The following REL variants were observed in gnomAD, a reference collection of about 807,000 sequenced individuals.
REL encodes the protein REL proto-oncogene, NF-kB subunit.
REL carries 15 observed loss-of-function variants against 45.9 expected under a neutral mutation model. The observed-to-expected ratio is 0.33, with a 90% CI of 0.22 to 0.50. REL has a LOEUF of 0.50. Among genes scored for constraint, REL ranks in the 20% least tolerant of loss-of-function variants. The pLI, the probability that REL is intolerant of heterozygous loss-of-function variation, is 0.98. For missense variants in REL, 601 were observed against 715.2 expected, an observed-to-expected ratio of 0.84 and a Z score of 1.82; for synonymous variants, 239 against 242.1, an observed-to-expected ratio of 0.99 and a Z score of 0.12.
At chr2:60,913,698 C>G (rs933663578) in intron 4 of REL, among the ~76,000 whole-genome samples, 1 of 152,192 alleles carries the variant, frequency 6.6e-6, no homozygotes, top group African/African-American at 2.4e-5. Flanking sequence ...AAAGTGGCCT[C>G]TCATTCTGAA....
intron 4 of REL, among the ~76,000 whole-genome samples, chr2:60,914,533 A>C (rs1158014982): frequency 6.6e-6 from 1 of 152,204 alleles, no homozygotes; most frequent in Non-Finnish European, 1.5e-5. Context: ...AAAAATATTT[A>C]AAATAAACTT....
At chr2:60,910,464 CAAAAAAAAAACAAAAAACAAAA>C (rs1673781071) in intron 4 of REL, among the ~76,000 whole-genome samples, 1 of 62,472 alleles carries the variant, frequency 1.6e-5, no homozygotes, top group Non-Finnish European at 3.1e-5. Flanking sequence ...GACTCCATCT[CAAAAAAAAAACAAAAAACAAAA>C]AAAAAAAAAA....
Position 60,922,639 on chromosome 2 carries a change from T to G in REL, c.*104T>G. 1 of 1,375,678 alleles carries G rather than the reference T, an allele frequency of 7.3e-7. No individual in the cohort carries two copies. Among genetic ancestry groups the G allele is most frequent in the East Asian group, 2.6e-5 (1 of 38,836 alleles). The allele number at this position is 1,375,678 out of a possible 1,614,324, so 85.2% of individuals were successfully genotyped here. ...TAATACTATATTTATACTGTATATA[T>G]AATACTGACTGAGAATATAATACTG... On this transcript the variant is annotated 3_prime_UTR_variant, in exon 10 of 10. Transcript: ENST00000394479.
intron 4 of REL, among the ~76,000 whole-genome samples, chr2:60,904,783 A>C (rs1473605085): frequency 6.6e-6 from 1 of 152,002 alleles, no homozygotes; most frequent in African/African-American, 2.4e-5. Flanking sequence ...TTAGCTACTC[A>C]GGAGGCCGAG....
At chr2:60,908,689 T>C (rs918771291) in intron 4 of REL, among the ~76,000 whole-genome samples, 2 of 152,194 alleles carry the variant, frequency 1.3e-5, no homozygotes. Context: ...GCAGTTAAAC[T>C]CCATAGAATA....
chr2:60,911,688 A>G (rs1272546894), intron 4 of REL, among the ~76,000 whole-genome samples: 1 of 152,100 alleles, frequency 6.6e-6, no homozygotes, highest in African/African-American at 2.4e-5. Flanking sequence ...GTGTTCTCTA[A>G]TAGTAATATT....
At chr2:60,912,706 T>A (rs1673853552) in intron 4 of REL, among the ~76,000 whole-genome samples, 1 of 152,010 alleles carries the variant, frequency 6.6e-6, no homozygotes, top group African/African-American at 2.4e-5. Flanking sequence ...TTTTGTCAAT[T>A]TAAATCTACA....
intron 7 of REL, among the ~76,000 whole-genome samples, chr2:60,918,967 A>G (rs969228523): frequency 1.3e-5 from 2 of 151,798 alleles, no homozygotes; most frequent in Non-Finnish European, 2.9e-5. Flanking sequence ...CTACTTTTGT[A>G]TTTTTAGTAG....
chr2:60,893,924 T>C (rs924458811), intron 2 of REL, among the ~76,000 whole-genome samples: 4 of 152,202 alleles, frequency 2.6e-5, no homozygotes, highest in Admixed American at 2.6e-4. Flanking sequence ...AGTAAACACT[T>C]GGGGTATGCT....
chr2:60,922,003 T>C lies in REL; in HGVS notation c.1232T>C (p.Ile411Thr). The stretch of plus-strand genomic sequence containing the variant: ...ACACTTCCTTCTAATTCGCAAGGTA[T>C]CCCACCATTCCTGAGAATACCTGTT... ...TRTLPSNSQGIPPFLRIPVGN... is the reference protein window; with the variant it reads ...TRTLPSNSQGTPPFLRIPVGN... The change falls in exon 10 of 10, where the codon ATC becomes ACC. Residue 411 changes from isoleucine (I) to threonine (T), a missense_variant. Ile to Thr is a moderately conservative substitution (Grantham distance 89). This residue lies in a region of REL where 334 missense variants were observed against 333.1 expected (regional missense o/e 1.00). Transcript: ENST00000394479. The C allele has an allele frequency of 1.2e-6, 2 of 1,614,180 alleles. No homozygotes were observed. Among genetic ancestry groups the C allele is most frequent in the Non-Finnish European group, 1.7e-6 (2 of 1,180,042 alleles).
chr2:60,894,576 A>G, intron 3 of REL, 31 bp downstream of exon 3: 3 of 1,511,280 alleles, frequency 2.0e-6, no homozygotes, highest in Non-Finnish European at 2.7e-6. Context: ...ATCTTCAGAA[A>G]TAAGATAAGA....
In REL at chr2:60,881,787, G is replaced by A; in HGVS notation, c.-54G>A. On this transcript the variant is annotated 5_prime_UTR_variant, in exon 1 of 10. Coordinates refer to ENST00000394479, the MANE Select transcript of REL (RefSeq NM_001291746.2). ...GCCTCCTGACTGACTGACTGCGGCC[G>A]CCTCCGGCCAGGACGCTGGGAGCTG... The A allele has an allele frequency of 6.6e-7, 1 of 1,521,204 alleles. No homozygotes were observed. The highest frequency in any genetic ancestry group is 8.8e-7 in the Non-Finnish European group (1 of 1,133,100). 94.2% of individuals were successfully genotyped at this position (1,521,204 alleles called of 1,614,324 possible). A position where few individuals can be genotyped will look rare whatever the true frequency, so the allele number is the denominator to read the frequency against.
chr2:60,927,125 G>A lies in REL; in HGVS notation c.*4590G>A, dbSNP rs1573353483. 2 of 225,778 alleles carry A rather than the reference G, an allele frequency of 8.9e-6. No homozygotes were observed. Among genetic ancestry groups the A allele is most frequent in the East Asian group, 1.3e-4 (2 of 15,682 alleles). The allele number at this position is 225,778 out of a possible 1,614,324, so 14.0% of individuals were successfully genotyped here. On this transcript the variant is annotated 3_prime_UTR_variant, in exon 10 of 10. Transcript: ENST00000394479. ...GTATTACGGACATCCTCTTATTTAA[G>A]TGTTTGTCTCTTTCGTCATTGGGAC...
intron 3 of REL, among the ~76,000 whole-genome samples, chr2:60,898,546 T>A (rs1455837894): frequency 6.6e-6 from 1 of 152,236 alleles, no homozygotes; most frequent in African/African-American, 2.4e-5. Context: ...AAACTTGTTA[T>A]GATTGCAGTT....
intron 4 of REL, among the ~76,000 whole-genome samples, chr2:60,911,069 C>T (rs933526257): frequency 7.2e-5 from 11 of 152,098 alleles, no homozygotes; most frequent in African/African-American, 2.2e-4. Context: ...CAGAAACATT[C>T]GCTTTGAAGT....
intron 4 of REL, among the ~76,000 whole-genome samples, chr2:60,912,643 T>C (rs1387461451): frequency 1.3e-5 from 2 of 152,182 alleles, no homozygotes; most frequent in Non-Finnish European, 2.9e-5. Flanking sequence ...GATTTCATTT[T>C]TGCCCAAAAT....
intron 1 of REL, among the ~76,000 whole-genome samples, chr2:60,886,036 G>A (rs943929388): frequency 6.6e-6 from 1 of 152,058 alleles, no homozygotes; most frequent in Non-Finnish European, 1.5e-5. Context: ...ATTTACTCAC[G>A]TCCCAGTCCA....
chr2:60,916,752 A>G (rs575824740), intron 4 of REL, 125 bp from the exon 5 acceptor site: 33 of 587,276 alleles, frequency 5.6e-5, no homozygotes, highest in Admixed American at 4.6e-4. Flanking sequence ...ATACTGTTCT[A>G]TTTTTATTCA....
Position 60,930,582 on chromosome 2 carries a change from G to A in REL, c.*8047G>A, listed in dbSNP as rs879542428. ...TAGTTAAGCACAAAGTTAACAGTGG[G>A]TAGGATTGAATCTTGAAAGTAATCA... On this transcript the variant is annotated 3_prime_UTR_variant, in exon 10 of 10. Transcript: ENST00000394479. 6.6e-5 allele frequency: 10 copies of A among 152,286 alleles called. No individual in the cohort carries two copies. Among genetic ancestry groups the A allele is most frequent in the Non-Finnish European group, 1.3e-4 (9 of 68,028 alleles). The allele number at this position is 152,286 out of a possible 1,614,324, so 9.4% of individuals were successfully genotyped here.
Sources: gnomAD v4.1 joint callset for allele counts (sites outside exome capture counted in the v4.1 genomes callset) on GRCh38, gnomAD v4.1.1 for gene constraint, gnomAD v4.1.1 regional missense constraint, MANE v1.5 for transcripts, NCBI Gene and HGNC (gene_info 2026-07-23, HGNC 2026-07-21) for gene names.